Variants in FMN2 observed in about 807,000 individuals in gnomAD.
The protein encoded by FMN2 is formin-2.
In FMN2, 51 loss-of-function variants were observed where a neutral mutation model predicts 142.3. The ratio of observed to expected loss-of-function variants is 0.36; its 90% CI spans 0.29 to 0.45. The LOEUF is 0.45. Among genes scored for constraint, FMN2 ranks in the 20% least tolerant of loss-of-function variants. The pLI is 1.00. For synonymous variants in FMN2, 882 were observed against 869.8 expected (o/e 1.01, Z -0.25); for missense variants, 1,936 against 2,122.8 (o/e 0.91, Z 1.73).
At chr1:240,104,510 C>T (rs1391754232) in intron 1 of FMN2, among the ~76,000 whole-genome samples, 1 of 152,180 alleles carries the variant, frequency 6.6e-6, no homozygotes, top group Admixed American at 6.5e-5. Context: ...TGCATTTTCA[C>T]TTCCCATTCC....
At chr1:240,149,487 T>C (rs1208979697) in intron 2 of FMN2, among the ~76,000 whole-genome samples, 1 of 152,232 alleles carries the variant, frequency 6.6e-6, no homozygotes, top group Non-Finnish European at 1.5e-5. Flanking sequence ...TATTGCAGTG[T>C]TGATTTTTAT....
At chr1:240,460,507 G>A (rs1027250190) in intron 16 of FMN2, among the ~76,000 whole-genome samples, 6 of 152,050 alleles carry the variant, frequency 3.9e-5, no homozygotes, top group Non-Finnish European at 5.9e-5. Context: ...TACAAGAATC[G>A]CTTAAACCCC....
At chr1:240,447,769 A>G (rs112147934) in intron 16 of FMN2, among the ~76,000 whole-genome samples, 292 of 152,270 alleles carry the variant, frequency 1.9e-3, no homozygotes, top group African/African-American at 6.5e-3. Flanking sequence ...GGGGGTACAA[A>G]ATGCCCTAAA....
intron 1 of FMN2, among the ~76,000 whole-genome samples, chr1:240,101,729 G>A (rs929763665): frequency 3.4e-5 from 5 of 146,490 alleles, no homozygotes; most frequent in Non-Finnish European, 3.0e-5. Flanking sequence ...TTTTTTTTTG[G>A]AGAGACAGGG....
chr1:240,147,519 A>G (rs1663539513), intron 2 of FMN2, among the ~76,000 whole-genome samples: 1 of 151,276 alleles, frequency 6.6e-6, no homozygotes, highest in Admixed American at 6.6e-5. Flanking sequence ...AAAAGATAGG[A>G]TTTCTCTCTG....
intron 8 of FMN2, 44 bp downstream of exon 8, chr1:240,294,927 C>T: frequency 2.0e-6 from 3 of 1,533,850 alleles, no homozygotes; most frequent in Middle Eastern, 2.0e-4. Context: ...ATAATATGTA[C>T]ACAGTACATG....
chr1:240,363,970 A>C (rs1351636453), intron 14 of FMN2, among the ~76,000 whole-genome samples: 1 of 152,090 alleles, frequency 6.6e-6, no homozygotes, highest in African/African-American at 2.4e-5. Flanking sequence ...GGGTTCAGTA[A>C]ATTTCTGGTG....
At chr1:240,241,011 CTT>C (rs1052290875) in intron 6 of FMN2, among the ~76,000 whole-genome samples, 8 of 152,122 alleles carry the variant, frequency 5.3e-5, no homozygotes, top group African/African-American at 1.9e-4. Flanking sequence ...AGAGTGGAGA[CTT>C]AGGATAGTTG....
chr1:240,434,078 A>G (rs1027581825), intron 15 of FMN2, among the ~76,000 whole-genome samples: 3 of 152,244 alleles, frequency 2.0e-5, no homozygotes, highest in African/African-American at 4.8e-5. Flanking sequence ...TTTTCAAAAA[A>G]GGACCATTTA....
intron 2 of FMN2, among the ~76,000 whole-genome samples, chr1:240,137,096 T>A (rs1026915513): frequency 1.4e-5 from 2 of 141,904 alleles, no homozygotes; most frequent in African/African-American, 5.4e-5. Context: ...AAAAAAAAAT[T>A]GGGACTCTAT....
chr1:240,097,838 G>C (rs1375202096), intron 1 of FMN2, among the ~76,000 whole-genome samples: 2 of 152,094 alleles, frequency 1.3e-5, no homozygotes, highest in African/African-American at 4.8e-5. Flanking sequence ...ACAGTCTTGA[G>C]GTGTAGCTGT....
intron 14 of FMN2, among the ~76,000 whole-genome samples, chr1:240,378,235 C>G (rs1673110742): frequency 6.6e-6 from 1 of 152,076 alleles, no homozygotes; most frequent in Admixed American, 6.6e-5. Context: ...ACTGCAACCT[C>G]CGCCTCCCAA....
intron 15 of FMN2, among the ~76,000 whole-genome samples, chr1:240,417,926 A>T (rs1674631480): frequency 6.6e-6 from 1 of 152,048 alleles, no homozygotes; most frequent in East Asian, 1.9e-4. Flanking sequence ...TATCATCCTG[A>T]TGGAATGTTC....
intron 1 of FMN2, among the ~76,000 whole-genome samples, chr1:240,101,709 ATTT>A (rs776711940): frequency 3.6e-5 from 5 of 137,858 alleles, no homozygotes; most frequent in Admixed American, 1.5e-4. Flanking sequence ...TGCCTGGCTA[ATTT>A]TTTTTTTTTT....
At chr1:240,244,740 A>G (rs1490517385) in intron 6 of FMN2, among the ~76,000 whole-genome samples, 1 of 152,216 alleles carries the variant, frequency 6.6e-6, no homozygotes, top group African/African-American at 2.4e-5. Context: ...TACATATTCC[A>G]GGGCCCTACT....
At chr1:240,162,002 C>T (rs1013063382) in intron 2 of FMN2, among the ~76,000 whole-genome samples, 1 of 151,884 alleles carries the variant, frequency 6.6e-6, no homozygotes, top group Admixed American at 6.6e-5. Context: ...TGTTGTGGCT[C>T]ACACATGTAA....
intron 14 of FMN2, among the ~76,000 whole-genome samples, chr1:240,366,363 A>G (rs566147271): frequency 6.6e-6 from 1 of 152,216 alleles, no homozygotes; most frequent in South Asian, 2.1e-4. Flanking sequence ...ATTGTTTACA[A>G]TTTTAGGAAC....
At chr1:240,386,123 C>T (rs1413793202) in intron 14 of FMN2, among the ~76,000 whole-genome samples, 1 of 152,124 alleles carries the variant, frequency 6.6e-6, no homozygotes, top group African/African-American at 2.4e-5. Context: ...GAAAGTCATG[C>T]ACTGTGACAT....
intron 16 of FMN2, among the ~76,000 whole-genome samples, chr1:240,441,045 A>G (rs564716418): frequency 1.4e-5 from 2 of 139,018 alleles, no homozygotes; most frequent in South Asian, 4.6e-4. Flanking sequence ...GCCACACTGG[A>G]GTGCGGTGGC....
Sources: allele counts gnomAD v4.1 joint callset (sites outside exome capture counted in the v4.1 genomes callset), GRCh38; gene constraint gnomAD v4.1.1; transcripts MANE v1.5; gene names NCBI Gene and HGNC (gene_info 2026-07-23, HGNC 2026-07-21).